The following VPS13A variants were observed in gnomAD, a reference collection of about 807,000 sequenced individuals.
VPS13A encodes the protein intermembrane lipid transfer protein VPS13A.
In VPS13A, 264 loss-of-function variants were observed where a neutral mutation model predicts 390.9. The observed-to-expected ratio is 0.68, with a 90% CI of 0.61 to 0.75. The LOEUF is 0.75. VPS13A is among the 30% of genes least tolerant of loss of function. VPS13A has a pLI of 0.00. For missense variants in VPS13A, 3,409 were observed against 3,733.9 expected, an observed-to-expected ratio of 0.91 and a Z score of 2.27; for synonymous variants, 1,231 against 1,227.1, an observed-to-expected ratio of 1.00 and a Z score of -0.07.
rs1169422026 is a variant in VPS13A, at chr9:77,321,167, A to G, written c.5416-2A>G. 1 of 1,610,822 alleles carries G rather than the reference A, an allele frequency of 6.2e-7. No individual in the cohort carries two copies. On this transcript the variant is annotated splice_acceptor_variant, in intron 42 of 71. Coordinates refer to ENST00000360280, the MANE Select transcript of VPS13A (RefSeq NM_033305.3). LOFTEE classifies it high-confidence loss of function. ...TTATATTTCTATGATTTATCATTTT[A>G]GATGAAAAAGAAAGCAAAAATGGCC...
At chr9:77,207,213 T>TA (rs1554859894) in intron 5 of VPS13A, among the ~76,000 whole-genome samples, 1 of 43,096 alleles carries the variant, frequency 2.3e-5, no homozygotes, top group Non-Finnish European at 5.2e-5. Flanking sequence ...TATTTAGATA[T>TA]TATATATATA....
intron 46 of VPS13A, among the ~76,000 whole-genome samples, chr9:77,335,036 A>G (rs1830468304): frequency 6.6e-6 from 1 of 152,186 alleles, no homozygotes; most frequent in Non-Finnish European, 1.5e-5. Flanking sequence ...TTACTACAGA[A>G]ATACATCATA....
Position 77,340,400 on chromosome 9 carries a change from T to G in VPS13A, c.6880-4T>G, listed in dbSNP as rs1445929096. 1.9e-6 allele frequency: 3 copies of G among 1,610,010 alleles called. No individual in the cohort carries two copies. In the Admixed American group the frequency reaches 5.0e-5, roughly 27 times the overall value. ...TTTTTGAGCTGTTAATTTTTTTTTC[T>G]TAGGTTGGTGTCACTATAGACCTGA... On this transcript the variant is annotated splice_polypyrimidine_tract_variant and splice_region_variant and intron_variant, in intron 49 of 71. Transcript: ENST00000360280.
chr9:77,242,381 A>T (rs1183502927), intron 19 of VPS13A, among the ~76,000 whole-genome samples: 19 of 152,068 alleles, frequency 1.2e-4, no homozygotes, highest in Non-Finnish European at 4.4e-5. Context: ...ATTCATTATT[A>T]ATTTTTCTTT....
chr9:77,196,930 T>A (rs1279448760), intron 1 of VPS13A, among the ~76,000 whole-genome samples: 2 of 152,208 alleles, frequency 1.3e-5, no homozygotes, highest in Non-Finnish European at 2.9e-5. Flanking sequence ...GTGTGTTTTA[T>A]AATGGCTGTA....
chr9:77,250,334 T>C (rs974463794), intron 21 of VPS13A, 105 bp downstream of exon 21: 1 of 1,364,642 alleles, frequency 7.3e-7, no homozygotes, highest in African/African-American at 1.4e-5. Context: ...AACGTCTATA[T>C]TTTTGAATTA....
At chr9:77,401,483 G>A (rs1272158682) in intron 68 of VPS13A, among the ~76,000 whole-genome samples, 3 of 151,998 alleles carry the variant, frequency 2.0e-5, no homozygotes, top group East Asian at 1.9e-4. Context: ...TGAATAGAGT[G>A]GTATGGCTTT....
chr9:77,416,100 T>A lies in VPS13A; in HGVS notation c.*94T>A. 7.0e-7 allele frequency: 1 copy of A among 1,425,446 alleles called. No individual in the cohort carries two copies. Among genetic ancestry groups the A allele is most frequent in the Non-Finnish European group, 9.9e-7 (1 of 1,011,902 alleles). The allele number at this position is 1,425,446 out of a possible 1,614,324, so 88.3% of individuals were successfully genotyped here. A position where few individuals can be genotyped will look rare whatever the true frequency, so the allele number is the denominator to read the frequency against. The stretch of plus-strand genomic sequence containing the variant: ...TTTGGGAAGCATATTACAGAAATGA[T>A]TTCAAGTACCCTGTATTCTGGATGC... On this transcript the variant is annotated 3_prime_UTR_variant, in exon 72 of 72. Transcript: ENST00000360280.
intron 3 of VPS13A, among the ~76,000 whole-genome samples, chr9:77,204,799 A>G (rs1230249214): frequency 6.6e-6 from 1 of 151,920 alleles, no homozygotes; most frequent in Non-Finnish European, 1.5e-5. Context: ...TAATTTTTTT[A>G]GTTTTTATTC....
At position 77,275,541 on chromosome 9, in the gene VPS13A, A is replaced by G. The variant is rs1826605125; in HGVS notation, c.2556A>G (p.Glu852=). The G allele has an allele frequency of 6.2e-7, 1 of 1,613,734 alleles. No individual in the cohort carries two copies. The highest frequency in any genetic ancestry group is 1.3e-5 in the African/African-American group (1 of 74,924). Residue 852 remains glutamate, a synonymous_variant, in exon 25 of 72, where the codon GAA becomes GAG. Transcript: ENST00000360280. ...TTGATGCACCATGTAGTCCCTTGGA[A>G]GAACCTCTTCAGTTTCCAACTGGAG... The part of the protein sequence containing the change: ...EFFDAPCSPL[E]EPLQFPTGVK...
chr9:77,198,841 T>TAC (rs1211320569), intron 1 of VPS13A, among the ~76,000 whole-genome samples: 4 of 152,114 alleles, frequency 2.6e-5, no homozygotes, highest in Admixed American at 2.6e-4. Context: ...TTTTGTACTT[T>TAC]TAGTAGAGAT....
At position 77,377,203 on chromosome 9, in the gene VPS13A, G is replaced by GTTTTTTTT. The variant is rs61562443; in HGVS notation, c.9078-4753_9078-4746dup. Among the ~76,000 whole-genome samples, 57 of 69,066 alleles carry GTTTTTTTT rather than the reference G, an allele frequency of 8.3e-4. 5 individuals carry two copies. The highest frequency in any genetic ancestry group is 2.1e-3 in the African/African-American group (36 of 17,254). 45.3% of individuals were successfully genotyped at this position (69,066 alleles called of 152,430 possible). A position where few individuals can be genotyped will look rare whatever the true frequency, so the allele number is the denominator to read the frequency against. On this transcript the variant is annotated intron_variant, in intron 67 of 71. Transcript: ENST00000360280. ...CTTATTCCTAAGTATTTTTGATGCT[G>GTTTTTTTT]TTTTTTTTTTTTTTTTTTTTTTTTT...
At chr9:77,305,685 G>T in intron 34 of VPS13A, 1 of 156,778 alleles carries the variant, frequency 6.4e-6, no homozygotes. Context: ...TAGTTGGTTA[G>T]CTGCTGTTGC....
Position 77,254,531 on chromosome 9 carries a change from A to T in VPS13A, c.2288+2179A>T, listed in dbSNP as rs186761773. 6.6e-5 allele frequency among the ~76,000 whole-genome samples: 10 copies of T among 152,322 alleles called. No homozygotes were observed. In the East Asian group the frequency reaches 1.5e-3, roughly 24 times the overall value. ...GCTATTCGGGATCCTTTGGTATTCCATATGAATCTTAGCATGTTTTCTTTT... is the reference window on the plus strand; with the variant it reads ...GCTATTCGGGATCCTTTGGTATTCCTTATGAATCTTAGCATGTTTTCTTTT... On this transcript the variant is annotated intron_variant, in intron 22 of 71. Transcript: ENST00000360280.
At chr9:77,371,244 C>A in intron 67 of VPS13A, 95 bp downstream of exon 67, 1 of 1,552,848 alleles carries the variant, frequency 6.4e-7, no homozygotes, top group Non-Finnish European at 8.8e-7. Context: ...TAGTTATTGT[C>A]TTTGTTTTGT....
At chr9:77,250,874 C>T (rs1049989846) in intron 21 of VPS13A, among the ~76,000 whole-genome samples, 7 of 152,186 alleles carry the variant, frequency 4.6e-5, no homozygotes, top group African/African-American at 1.7e-4. Flanking sequence ...CAGACTCGTT[C>T]AGCTTTCTTT....
chr9:77,412,452 A>G (rs1564002288), intron 71 of VPS13A, among the ~76,000 whole-genome samples: 1 of 152,264 alleles, frequency 6.6e-6, no homozygotes, highest in Non-Finnish European at 1.5e-5. Context: ...ATGCAAATCA[A>G]TAAACATAAT....
At chr9:77,212,770 T>C (rs999353408) in intron 7 of VPS13A, among the ~76,000 whole-genome samples, 199 bp from the exon 8 acceptor site, 1 of 152,224 alleles carries the variant, frequency 6.6e-6, no homozygotes, top group African/African-American at 2.4e-5. Flanking sequence ...TTTGTTTGCT[T>C]TTCTGACCCG....
intron 31 of VPS13A, among the ~76,000 whole-genome samples, chr9:77,290,348 G>T (rs1426525941): frequency 6.6e-6 from 1 of 152,016 alleles, no homozygotes; most frequent in Non-Finnish European, 1.5e-5. Flanking sequence ...CTGCTTTCAG[G>T]ATTTATATAT....
Sources: allele counts gnomAD v4.1 joint callset (sites outside exome capture counted in the v4.1 genomes callset), GRCh38; gene constraint gnomAD v4.1.1; transcripts MANE v1.5; gene names NCBI Gene and HGNC (gene_info 2026-07-23, HGNC 2026-07-21).